Variants in QPCTL observed in about 807,000 individuals in gnomAD.
The protein encoded by QPCTL is glutaminyl-peptide cyclotransferase like.
Under a neutral mutation model 34.6 loss-of-function variants are expected in QPCTL, and 31 were observed. That is an observed-to-expected ratio of 0.90 (90% CI 0.67 to 1.21). The LOEUF is 1.21. QPCTL is among the 50% of genes most tolerant of loss of function. The pLI is 0.00. For missense variants in QPCTL, 474 were observed against 507.8 expected (o/e 0.93, Z 0.64); for synonymous variants, 223 against 226.9 (o/e 0.98, Z 0.15).
chr19:45,694,621 C>G (rs1967654026), intron 2 of QPCTL, among the ~76,000 whole-genome samples: 1 of 151,858 alleles, frequency 6.6e-6, no homozygotes, highest in Non-Finnish European at 1.5e-5. Flanking sequence ...CAGGTGTGCA[C>G]CACCATGCCT....
In QPCTL at chr19:45,695,683, G is replaced by A. The variant is rs1967678023; in HGVS notation, c.598G>A (p.Ala200Thr). ...TGCCCTGCTGCTGGAGCTGGCCCAA[G>A]CACTTGACCTGGAGCTGAGCAGGGC... ...PCALLLELAQ[A>T]LDLELSRAKK... is the part of the protein sequence containing the mutation. Residue 200 changes from alanine to threonine, a missense_variant, in exon 3 of 7, where the codon GCA becomes ACA. Coordinates refer to ENST00000012049, the MANE Select transcript of QPCTL (RefSeq NM_017659.4). 1 of 1,613,112 alleles carries A rather than the reference G, an allele frequency of 6.2e-7. No individual in the cohort carries two copies. Among genetic ancestry groups the A allele is most frequent in the African/African-American group, 1.3e-5 (1 of 75,016 alleles).
chr19:45,702,084 G>C (rs895521366), intron 6 of QPCTL, among the ~76,000 whole-genome samples, 170 bp downstream of exon 6: 1 of 152,118 alleles, frequency 6.6e-6, no homozygotes, highest in Non-Finnish European at 1.5e-5. Context: ...TTAGAGTATT[G>C]TTGAGGGGAT....
chr19:45,693,263 G>C (rs1374146923), intron 1 of QPCTL, 150 bp from the exon 2 acceptor site: 1 of 1,148,746 alleles, frequency 8.7e-7, no homozygotes, highest in Non-Finnish European at 1.2e-6. Flanking sequence ...CTTTTCCTGA[G>C]CCTTGGATTT....
rs752190389 is a variant in QPCTL at position 45,692,707 on chromosome 19, C to A, written c.4C>A (p.Arg2Ser). M[R>S]SGGRGRPRLR... ...CAGGTTTCAGGGCAAAGCGGCCATG[C>A]GTTCCGGGGGCCGCGGGCGACCCCG... The change falls in exon 1 of 7, where the codon CGT becomes AGT. Residue 2 changes from arginine to serine, a missense_variant. Arg to Ser is a moderately radical substitution (Grantham distance 110). Coordinates refer to ENST00000012049, the MANE Select transcript of QPCTL (RefSeq NM_017659.4). The A allele has an allele frequency of 1.7e-5, 26 of 1,539,192 alleles. No homozygotes were observed. Among genetic ancestry groups the A allele is most frequent in the Non-Finnish European group, 2.2e-5 (25 of 1,141,258 alleles).
chr19:45,699,552 A>T (rs1048181234), intron 5 of QPCTL, among the ~76,000 whole-genome samples: 1 of 152,028 alleles, frequency 6.6e-6, no homozygotes, highest in Non-Finnish European at 1.5e-5. Flanking sequence ...TAATCCCAGC[A>T]CTTTGAGAGG....
In QPCTL at chr19:45,692,684, G is replaced by C. The variant is rs765105111; in HGVS notation, c.-20G>C. ...TAAACTCAATCCGTGGTCTGGTACAGGTTTCAGGGCAAAGCGGCCATGCGT... is the reference window on the plus strand; with the variant it reads ...TAAACTCAATCCGTGGTCTGGTACACGTTTCAGGGCAAAGCGGCCATGCGT... On this transcript the variant is annotated 5_prime_UTR_variant, in exon 1 of 7. Coordinates refer to ENST00000012049, the MANE Select transcript of QPCTL (RefSeq NM_017659.4). 4 of 1,518,234 alleles carry C rather than the reference G, an allele frequency of 2.6e-6. No homozygotes were observed. Among genetic ancestry groups the C allele is most frequent in the Non-Finnish European group, 3.5e-6 (4 of 1,130,224 alleles). The allele number at this position is 1,518,234 out of a possible 1,614,324, so 94.0% of individuals were successfully genotyped here.
chr19:45,698,459 A>C (rs537908626), intron 3 of QPCTL, 88 bp from the exon 4 acceptor site: 2 of 1,504,424 alleles, frequency 1.3e-6, no homozygotes, highest in East Asian at 4.6e-5. Flanking sequence ...TGTTCTCTTA[A>C]GCATGCAAGC....
Position 45,701,659 on chromosome 19 carries a change from G to A in QPCTL, c.887-139G>A, listed in dbSNP as rs942743105. ...AGACCAGGAACATAGTGAGCCCACA[G>A]GAAGGAGTAACTGGCATTCACTCTT... On this transcript the variant is annotated intron_variant, in intron 5 of 6. Transcript: ENST00000012049. 20 of 652,816 alleles carry A rather than the reference G, an allele frequency of 3.1e-5. No homozygotes were observed. The East Asian group carries it at 5.2e-4, about 17-fold the overall frequency. The allele number at this position is 652,816 out of a possible 1,614,324, so 40.4% of individuals were successfully genotyped here. A position where few individuals can be genotyped will look rare whatever the true frequency, so the allele number is the denominator to read the frequency against.
At chr19:45,692,961 G>T (rs1348199969) in intron 1 of QPCTL, 51 bp downstream of exon 1, 12 of 1,497,878 alleles carry the variant, frequency 8.0e-6, no homozygotes, top group Non-Finnish European at 8.9e-6. Flanking sequence ...TTCCCTCCCC[G>T]CTGTTACCCA....
In QPCTL at chr19:45,698,683, C is replaced by A. The variant is rs375450281; in HGVS notation, c.770C>A (p.Thr257Asn). The change falls in exon 4 of 7, where the codon ACC (threonine) becomes AAC (asparagine). Residue 257 changes from threonine (T) to asparagine (N), a missense_variant. By Grantham distance (65) the Thr-to-Asn change is moderately conservative. Coordinates refer to ENST00000012049, the MANE Select transcript of QPCTL (RefSeq NM_017659.4). ...MESIPHSPGP[T>N]RIQAIELFML... Reference sequence around the variant, plus strand: ...TCTATACCTCACAGCCCCGGCCCCACCAGGATCCAGGCTATTGTAAGACCA... The same window carrying A: ...TCTATACCTCACAGCCCCGGCCCCAACAGGATCCAGGCTATTGTAAGACCA... 4 of 1,614,156 alleles carry A rather than the reference C, an allele frequency of 2.5e-6. No homozygotes were observed. The Admixed American group carries it at 6.7e-5, about 27-fold the overall frequency.
chr19:45,698,501 G>A (rs1311192987), intron 3 of QPCTL, 46 bp from the exon 4 acceptor site: 15 of 1,609,384 alleles, frequency 9.3e-6, no homozygotes, highest in Admixed American at 5.0e-5. Context: ...TGAGGCTGAG[G>A]GCTAGTCCTG....
At position 45,695,565 on chromosome 19, in the gene QPCTL, C is replaced by G. The variant is rs1272333286; in HGVS notation, c.480C>G (p.Ala160=). ...NVVATLDPRA[A]RHLTLACHYD... ...TGGCCACACTGGACCCAAGGGCTGC[C>G]CGTCACCTCACCCTTGCCTGCCATT... The change falls in exon 3 of 7, where the codon GCC becomes GCG. Residue 160 remains alanine, a synonymous_variant. Transcript: ENST00000012049. 6.8e-6 allele frequency: 11 copies of G among 1,614,018 alleles called. No homozygotes were observed. Among genetic ancestry groups the G allele is most frequent in the Non-Finnish European group, 8.5e-6 (10 of 1,180,020 alleles).
chr19:45,698,367 C>T, intron 3 of QPCTL, 180 bp from the exon 4 acceptor site: 1 of 698,130 alleles, frequency 1.4e-6, no homozygotes, highest in Non-Finnish European at 2.3e-6. Context: ...TATGAAGCAG[C>T]CAAGTACGGA....
intron 3 of QPCTL, among the ~76,000 whole-genome samples, chr19:45,698,011 G>A (rs1014119724): frequency 2.0e-5 from 3 of 152,106 alleles, no homozygotes; most frequent in African/African-American, 7.2e-5. Flanking sequence ...GGGAGGCTGA[G>A]GTAGGTGGAT....
Position 45,692,876 on chromosome 19 carries a change from G to A in QPCTL, c.173G>A (p.Arg58Lys), listed in dbSNP as rs763732702. Residue 58 changes from arginine (R) to lysine (K), a missense_variant, in exon 1 of 7, where the codon AGG (arginine) becomes AAG (lysine). By Grantham distance (26) the Arg-to-Lys change is conservative. Coordinates refer to ENST00000012049, the MANE Select transcript of QPCTL (RefSeq NM_017659.4). ...ACCATTTGGAGCGGCTGGCACCGCAGGACTGAGGAGCTGCCGCTGGGCCGG... is the reference window on the plus strand; with the variant it reads ...ACCATTTGGAGCGGCTGGCACCGCAAGACTGAGGAGCTGCCGCTGGGCCGG... ...FYTIWSGWHR[R>K]TEELPLGREL... is the part of the protein sequence containing the mutation. The A allele has an allele frequency of 6.5e-7, 1 of 1,548,390 alleles. No homozygotes were observed. The highest frequency in any genetic ancestry group is 2.4e-5 in the East Asian group (1 of 41,328).
chr19:45,702,778 A>C (rs1376671942), intron 6 of QPCTL, 126 bp from the exon 7 acceptor site: 10 of 1,144,784 alleles, frequency 8.7e-6, no homozygotes, highest in Admixed American at 6.7e-5. Flanking sequence ...AAAAAAAAAA[A>C]GTGCCAGAAC....
At chr19:45,693,016 C>G in intron 1 of QPCTL, 106 bp downstream of exon 1, 2 of 1,177,522 alleles carry the variant, frequency 1.7e-6, no homozygotes, top group Non-Finnish European at 2.3e-6. Flanking sequence ...CAGATGCCAC[C>G]GTCTTCGTCA....
In QPCTL at chr19:45,698,832, C is replaced by G. The variant is rs373983312; in HGVS notation, c.818C>G (p.Ala273Gly). The G allele has an allele frequency of 1.2e-6, 2 of 1,613,990 alleles. No individual in the cohort carries two copies. Among genetic ancestry groups the G allele is most frequent in the South Asian group, 2.2e-5 (2 of 91,074 alleles). ...TTTATGCTTCTTGATCTCCTGGGAG[C>G]CCCCAATCCCACCTTCTACAGCCAC... ...ELFMLLDLLG[A>G]PNPTFYSHFP... Residue 273 changes from alanine (A) to glycine (G), a missense_variant, in exon 5 of 7, where the codon GCC becomes GGC. Ala to Gly is a moderately conservative substitution (Grantham distance 60, BLOSUM62 0). Coordinates refer to ENST00000012049, the MANE Select transcript of QPCTL (RefSeq NM_017659.4).
intron 6 of QPCTL, 73 bp downstream of exon 6, chr19:45,701,987 C>T (rs1967820615): frequency 4.0e-6 from 5 of 1,264,426 alleles, no homozygotes; most frequent in Non-Finnish European, 5.7e-6. Flanking sequence ...AAGTCCCCTT[C>T]CCAGGGCTGG....
Sources: allele counts gnomAD v4.1 joint callset (sites outside exome capture counted in the v4.1 genomes callset), GRCh38; gene constraint gnomAD v4.1.1; transcripts MANE v1.5; gene names NCBI Gene and HGNC (gene_info 2026-07-23, HGNC 2026-07-21).